The following PRKN variants were observed in gnomAD, a reference collection of about 807,000 sequenced individuals.
The protein encoded by PRKN is parkin RBR E3 ubiquitin protein ligase.
A neutral mutation model predicts 59.5 loss-of-function variants in PRKN; 56 were observed. The ratio of observed to expected loss-of-function variants is 0.94; its 90% confidence interval spans 0.76 to 1.18. PRKN has a LOEUF of 1.18. Among genes scored for constraint, PRKN ranks in the 50% most tolerant of loss-of-function variants. The pLI, the probability that PRKN is intolerant of heterozygous loss-of-function variation, is 0.00. For synonymous variants in PRKN, 250 were observed against 222.1 expected (o/e 1.13, Z -1.12); for missense variants, 657 against 596.4 (o/e 1.10, Z -1.06).
intron 1 of PRKN, among the ~76,000 whole-genome samples, chr6:162,651,812 AAAT>A (rs563693483): frequency 5.0e-4 from 75 of 151,364 alleles, no homozygotes; most frequent in Non-Finnish European, 8.2e-4. Context: ...ATAATGATAA[AAAT>A]AATATTTCTA....
intron 7 of PRKN, among the ~76,000 whole-genome samples, chr6:161,629,535 G>A (rs543383990): frequency 1.3e-5 from 2 of 152,096 alleles, no homozygotes; most frequent in East Asian, 1.9e-4. Context: ...TACTTGACCC[G>A]TGAAGTCAGA....
At chr6:162,212,597 T>C (rs1473347616) in intron 3 of PRKN, among the ~76,000 whole-genome samples, 1 of 152,234 alleles carries the variant, frequency 6.6e-6, no homozygotes, top group Non-Finnish European at 1.5e-5. Context: ...TCATTGCCTC[T>C]ATAAAAGGTA....
chr6:161,473,322 T>TTA lies in PRKN; in HGVS notation c.1083+75530_1083+75531dup, dbSNP rs1307938500. Among the ~76,000 whole-genome samples the TTA allele has an allele frequency of 6.6e-6, 1 of 150,658 alleles. No homozygotes were observed. Among genetic ancestry groups the TTA allele is most frequent in the Non-Finnish European group, 1.5e-5 (1 of 67,726 alleles). The stretch of plus-strand genomic sequence containing the variant: ...CATATATATTAGGGAGAGGGGAGCA[T>TTA]TATATATATAGATACCTATATATCC... On this transcript the variant is annotated intron_variant, in intron 9 of 11. Transcript: ENST00000366898. The surrounding 1 kb of genome is among the most constrained non-coding windows in gnomAD (Gnocchi z 4.1).
At chr6:161,919,019 A>G (rs1583346279) in intron 6 of PRKN, among the ~76,000 whole-genome samples, 1 of 152,184 alleles carries the variant, frequency 6.6e-6, no homozygotes, top group South Asian at 2.1e-4. Flanking sequence ...AGAGCCAGCA[A>G]TTCCTCTCCT....
At chr6:162,440,478 G>T (rs1211274867) in intron 2 of PRKN, among the ~76,000 whole-genome samples, 1 of 152,130 alleles carries the variant, frequency 6.6e-6, no homozygotes, top group Non-Finnish European at 1.5e-5. Context: ...CTCAGTATGT[G>T]GGGTGACCAT....
chr6:162,522,760 C>T (rs1325343573), intron 1 of PRKN, among the ~76,000 whole-genome samples: 1 of 151,318 alleles, frequency 6.6e-6, no homozygotes, highest in South Asian at 2.1e-4. Flanking sequence ...AATAAATAGT[C>T]CTCTGTCCTA....
intron 1 of PRKN, among the ~76,000 whole-genome samples, chr6:162,661,278 G>C (rs1778869040): frequency 6.6e-6 from 1 of 151,932 alleles, no homozygotes; most frequent in Non-Finnish European, 1.5e-5. Flanking sequence ...AAAGAACAAG[G>C]GGTCAGGGAG....
rs1244381300 is a variant in PRKN at position 162,011,373 on chromosome 6, A to G, written c.619-37956T>C. Among the ~76,000 whole-genome samples the G allele has an allele frequency of 1.4e-4, 2 of 13,980 alleles. 1 individual carries two copies. The highest frequency in any genetic ancestry group is 7.8e-4 in the African/African-American group (2 of 2,554). 9.2% of individuals were successfully genotyped at this position (13,980 alleles called of 152,430 possible). A position where few individuals can be genotyped will look rare whatever the true frequency, so the allele number is the denominator to read the frequency against. On this transcript the variant is annotated intron_variant, in intron 5 of 11. Transcript: ENST00000366898. ...AATATATATTTATAATATATATAAT[A>G]TATTATATATTTATAATATATATTA...
At chr6:162,099,367 C>T (rs1322595560) in intron 4 of PRKN, among the ~76,000 whole-genome samples, 1 of 152,194 alleles carries the variant, frequency 6.6e-6, no homozygotes, top group East Asian at 1.9e-4. Context: ...AAATTTCATA[C>T]TGAAACAAGT....
intron 1 of PRKN, among the ~76,000 whole-genome samples, chr6:162,679,941 C>T (rs1267807873): frequency 6.6e-6 from 1 of 152,116 alleles, no homozygotes; most frequent in Non-Finnish European, 1.5e-5. Flanking sequence ...TTTAAATTTT[C>T]CCCTACTGTA....
intron 6 of PRKN, among the ~76,000 whole-genome samples, chr6:161,835,874 G>A (rs1167148552): frequency 6.6e-6 from 1 of 152,130 alleles, no homozygotes; most frequent in Non-Finnish European, 1.5e-5. Context: ...TCACATAAAG[G>A]GTGTGTGGCT....
chr6:162,714,283 G>C (rs973270781), intron 1 of PRKN, among the ~76,000 whole-genome samples: 1 of 152,138 alleles, frequency 6.6e-6, no homozygotes, highest in Non-Finnish European at 1.5e-5. Context: ...AACATCTTTA[G>C]AACAATTGTG....
At chr6:162,625,909 T>C (rs746003426) in intron 1 of PRKN, among the ~76,000 whole-genome samples, 8 of 152,178 alleles carry the variant, frequency 5.3e-5, no homozygotes, top group African/African-American at 9.7e-5. Flanking sequence ...TTAGCATGAA[T>C]TTGCAAGAAA....
At chr6:161,731,957 T>A (rs1419003462) in intron 7 of PRKN, among the ~76,000 whole-genome samples, 1 of 152,148 alleles carries the variant, frequency 6.6e-6, no homozygotes, top group African/African-American at 2.4e-5. Context: ...TTTTTTTAAC[T>A]TTTGTTTTAG....
intron 5 of PRKN, among the ~76,000 whole-genome samples, chr6:161,986,841 G>A (rs1781454791): frequency 6.6e-6 from 1 of 152,100 alleles, no homozygotes; most frequent in Non-Finnish European, 1.5e-5. Flanking sequence ...TCTAGGCAGG[G>A]AAAGTGCAAG....
intron 6 of PRKN, among the ~76,000 whole-genome samples, chr6:161,950,336 G>C (rs537710525): frequency 6.0e-4 from 91 of 152,252 alleles, no homozygotes; most frequent in African/African-American, 2.2e-3. Context: ...CCTGAGGTCA[G>C]GAGTTCAAGA....
chr6:162,493,408 G>C (rs1240131351), intron 1 of PRKN, among the ~76,000 whole-genome samples: 1 of 152,076 alleles, frequency 6.6e-6, no homozygotes, highest in African/African-American at 2.4e-5. Context: ...ATGAAAATCA[G>C]GCAGCAATGA....
intron 2 of PRKN, among the ~76,000 whole-genome samples, chr6:162,279,401 CAGA>C (rs1780781271): frequency 7.5e-6 from 1 of 133,228 alleles, no homozygotes; most frequent in Middle Eastern, 3.8e-3. Context: ...GAAAGAAAGA[CAGA>C]AAAAGAAAGA....
chr6:162,379,414 TG>T, intron 2 of PRKN, among the ~76,000 whole-genome samples: 1 of 152,298 alleles, frequency 6.6e-6, no homozygotes, highest in Middle Eastern at 3.4e-3. Flanking sequence ...TTGTGGGCTT[TG>T]AGGAGATTAG....
Sources: allele counts gnomAD v4.1 joint callset (sites outside exome capture counted in the v4.1 genomes callset), GRCh38; gene constraint gnomAD v4.1.1; non-coding constraint Gnocchi (gnomAD v3.1); transcripts MANE v1.5; gene names NCBI Gene and HGNC (gene_info 2026-07-23, HGNC 2026-07-21).